The following ADGRG4 variants were observed in gnomAD, a reference collection of about 807,000 sequenced individuals.
ADGRG4 encodes the protein G protein-coupled receptor 112.
ADGRG4 carries 122 observed loss-of-function variants against 126.2 expected under a neutral mutation model. The observed-to-expected ratio is 0.97, with a 90% CI of 0.83 to 1.12. The LOEUF (loss-of-function observed/expected upper bound fraction) is 1.12. Among genes scored for constraint, ADGRG4 ranks in the 50% most tolerant of loss-of-function variants. The pLI is 0.00. For synonymous variants in ADGRG4, 943 were observed against 838.7 expected, an observed-to-expected ratio of 1.12 and a Z score of -2.15; for missense variants, 2,481 against 2,251.8, an observed-to-expected ratio of 1.10 and a Z score of -2.06.
Position 136,397,929 on chromosome X carries a change from CTTA to C in ADGRG4, c.8235_8237del (p.Ile2746del). ...TTCAGTGAATGAACAGATATTAGCG[CTTA>C]TAACATACACCGGATGTGGAATCTC... On this transcript the variant is annotated inframe_deletion, in exon 20 of 26. Transcript: ENST00000394143. The C allele has an allele frequency of 8.4e-7, 1 of 1,196,904 alleles. No homozygotes were observed. Among genetic ancestry groups the C allele is most frequent in the Non-Finnish European group, 1.1e-6 (1 of 881,999 alleles).
intron 18 of ADGRG4, 71 bp downstream of exon 18, chrX:136,393,651 G>A: frequency 1.3e-6 from 1 of 778,682 alleles, no homozygotes; most frequent in Non-Finnish European, 2.0e-6. Flanking sequence ...AATGGGAGGG[G>A]GTTGTGCTGA....
chrX:136,348,219 G>T lies in ADGRG4; in HGVS notation c.4513G>T (p.Ala1505Ser). The part of the protein sequence containing the change: ...PTMLPRESSM[A>S]TSTPIYQMSS... ...AATGCTTCCTAGAGAATCCTCTATG[G>T]CAACGTCCACTCCTATTTACCAGAT... Residue 1505 changes from alanine to serine, a missense_variant, in exon 6 of 26, where the codon GCA becomes TCA. Ala to Ser is a moderately conservative substitution (Grantham distance 99, BLOSUM62 1). Coordinates refer to ENST00000394143, the MANE Select transcript of ADGRG4 (RefSeq NM_153834.4). 1 of 1,208,986 alleles carries T rather than the reference G, an allele frequency of 8.3e-7. No homozygotes were observed. Among genetic ancestry groups the T allele is most frequent in the Non-Finnish European group, 1.1e-6 (1 of 893,417 alleles).
At position 136,349,856 on chromosome X, in the gene ADGRG4, G is replaced by A. The variant is rs770791343; in HGVS notation, c.6150G>A (p.Ala2050=). The A allele has an allele frequency of 2.4e-5, 29 of 1,206,990 alleles. No homozygotes were observed. Among genetic ancestry groups the A allele is most frequent in the Middle Eastern group, 2.3e-4 (1 of 4,361 alleles). Residue 2050 remains alanine (A), a synonymous_variant, in exon 6 of 26, where the codon GCG becomes GCA. Transcript: ENST00000394143. ...TTCTGACATCTGACATGATATCAGCGCACCCATTCACTAACTTGACAACAC... is the reference window on the plus strand; with the variant it reads ...TTCTGACATCTGACATGATATCAGCACACCCATTCACTAACTTGACAACAC... ...STFLTSDMIS[A]HPFTNLTTLP...
At chrX:136,315,407 T>C (rs1278323144) in intron 4 of ADGRG4, among the ~76,000 whole-genome samples, 1 of 111,258 alleles carries the variant, frequency 9.0e-6, no homozygotes, top group Admixed American at 9.6e-5. Flanking sequence ...GAGTATCTGC[T>C]CACCTGCCCT....
chrX:136,410,721 G>C (rs1021112146), intron 23 of ADGRG4, among the ~76,000 whole-genome samples: 1 of 111,499 alleles, frequency 9.0e-6, no homozygotes, highest in Admixed American at 9.5e-5. Context: ...TTTATTGAGC[G>C]GCCGCACTTA....
intron 22 of ADGRG4, 123 bp from the exon 23 acceptor site, chrX:136,405,569 C>T: frequency 2.1e-6 from 1 of 477,751 alleles, no homozygotes; most frequent in Non-Finnish European, 3.2e-6. Flanking sequence ...GAACTCTGTC[C>T]AGTTCATTTC....
intron 15 of ADGRG4, among the ~76,000 whole-genome samples, chrX:136,386,094 G>C (rs1255493119): frequency 8.9e-6 from 1 of 111,786 alleles, no homozygotes; most frequent in Non-Finnish European, 1.9e-5. Flanking sequence ...ATGTAAAAAC[G>C]GGTACCCCAC....
chrX:136,412,080 G>A (rs2075449051), intron 23 of ADGRG4, among the ~76,000 whole-genome samples, 185 bp from the exon 24 acceptor site: 1 of 112,549 alleles, frequency 8.9e-6, no homozygotes, highest in Non-Finnish European at 1.9e-5. Context: ...TGGTTGACAT[G>A]AAGTCTTGAT....
rs1395170671 is a variant in ADGRG4 at position 136,320,586 on chromosome X, G to T, written c.71-2192G>T. On this transcript the variant is annotated intron_variant, in intron 4 of 25. Transcript: ENST00000394143. ...CTTTATATTTCTGCTTTTGTAAATT[G>T]CTTTTTCCCATCTTTTGGCAACTGG... Among the ~76,000 whole-genome samples, 3 of 111,716 alleles carry T rather than the reference G, an allele frequency of 2.7e-5. No homozygotes were observed. The East Asian group carries it at 8.4e-4, about 31-fold the overall frequency.
At chrX:136,413,902 G>A (rs1489702037) in intron 24 of ADGRG4, among the ~76,000 whole-genome samples, 2 of 109,985 alleles carry the variant, frequency 1.8e-5, no homozygotes, top group African/African-American at 3.3e-5. Flanking sequence ...CACCCCGCCC[G>A]GCTAATTTTG....
chrX:136,364,041 C>A (rs1179024402), intron 13 of ADGRG4, among the ~76,000 whole-genome samples: 2 of 110,717 alleles, frequency 1.8e-5, no homozygotes, highest in African/African-American at 6.6e-5. Flanking sequence ...AAACTCCTAA[C>A]CTCAAGTGAT....
At chrX:136,413,223 T>A (rs1443665860) in intron 24 of ADGRG4, among the ~76,000 whole-genome samples, 1 of 106,868 alleles carries the variant, frequency 9.4e-6, no homozygotes, top group Admixed American at 1.0e-4. Flanking sequence ...TATCTCCCGA[T>A]GCTATCCCTC....
chrX:136,331,309 G>A (rs1284114995), intron 5 of ADGRG4, among the ~76,000 whole-genome samples: 1 of 112,352 alleles, frequency 8.9e-6, no homozygotes, highest in African/African-American at 3.2e-5. Context: ...ATAAATATGT[G>A]AGTGCAGATA....
At chrX:136,306,217 C>T (rs1399693351) in intron 3 of ADGRG4, 1 of 110,565 alleles carries the variant, frequency 9.0e-6, no homozygotes, top group Non-Finnish European at 1.9e-5. Context: ...TTCCTTCCTT[C>T]TTTCCCTCTT....
chrX:136,346,625 A>G lies in ADGRG4; in HGVS notation c.2919A>G (p.Ile973Met), dbSNP rs761343697. 50 of 1,208,289 alleles carry G rather than the reference A, an allele frequency of 4.1e-5. No individual in the cohort carries two copies. The South Asian group carries it at 7.1e-4, about 17-fold the overall frequency. Residue 973 changes from isoleucine (I) to methionine (M), a missense_variant, in exon 6 of 26, where the codon ATA becomes ATG. Transcript: ENST00000394143. ...GEPLGASTTR[I>M]SETSFSTTPT... ...CCCTGGGTGCTTCTACCACAAGGAT[A>G]TCAGAAACCAGTTTCTCCACTACCC... is the stretch of plus-strand genomic sequence containing the variant.
At chrX:136,416,065 A>C (rs2075473858) in intron 25 of ADGRG4, among the ~76,000 whole-genome samples, 1 of 112,045 alleles carries the variant, frequency 8.9e-6, no homozygotes, top group African/African-American at 3.3e-5. Flanking sequence ...AGGCATTCTC[A>C]AGCTTGAGAA....
intron 13 of ADGRG4, among the ~76,000 whole-genome samples, chrX:136,363,903 A>G (rs1603296941): frequency 9.0e-6 from 1 of 110,660 alleles, no homozygotes; most frequent in Admixed American, 9.6e-5. Flanking sequence ...TCTGCCTCCT[A>G]GGTTCAAGCA....
Position 136,375,977 on chromosome X carries a change from G to GT in ADGRG4, c.7776+2919dup, listed in dbSNP as rs1451032752. 2.7e-5 allele frequency among the ~76,000 whole-genome samples: 3 copies of GT among 112,008 alleles called. No individual in the cohort carries two copies. In the East Asian group the frequency reaches 8.4e-4, roughly 31 times the overall value. Reference sequence around the variant, plus strand: ...TTTGCCTAGGCCAATGTTCAGAAGAGTTTTTTCCAATGTTATCTTCTAGAA... The same window carrying GT: ...TTTGCCTAGGCCAATGTTCAGAAGAGTTTTTTTCCAATGTTATCTTCTAGAA... On this transcript the variant is annotated intron_variant, in intron 15 of 25. Coordinates refer to ENST00000394143, the MANE Select transcript of ADGRG4 (RefSeq NM_153834.4).
At chrX:136,363,971 G>C (rs766572868) in intron 13 of ADGRG4, among the ~76,000 whole-genome samples, 1 of 109,441 alleles carries the variant, frequency 9.1e-6, no homozygotes, top group East Asian at 2.9e-4. Flanking sequence ...CACCATGCCC[G>C]GATGATTTTT....
Sources: gnomAD v4.1 joint callset for allele counts (sites outside exome capture counted in the v4.1 genomes callset) on GRCh38, gnomAD v4.1.1 for gene constraint, MANE v1.5 for transcripts, NCBI Gene and HGNC (gene_info 2026-07-23, HGNC 2026-07-21) for gene names.